ARB2A: variants seen among roughly 807,000 people sequenced by gnomAD.
ARB2A encodes ARB2 cotranscriptional regulator A, also known as cotranscriptional regulator ARB2A.
At chr5:93,657,389 T>C in the ARB2A span, among the ~76,000 whole-genome samples, 1 of 152,300 alleles carries the variant, frequency 6.6e-6, no homozygotes, top group East Asian at 1.9e-4. Context: ...AGACCTATCA[T>C]ATTTGATCTT....
the ARB2A span, among the ~76,000 whole-genome samples, chr5:93,776,945 T>C: frequency 1.3e-5 from 2 of 152,142 alleles, no homozygotes; most frequent in African/African-American, 4.8e-5. Context: ...TAAATATTAA[T>C]GTGAATATTC....
chr5:93,962,383 T>C, the ARB2A span, among the ~76,000 whole-genome samples: 1 of 152,196 alleles, frequency 6.6e-6, no homozygotes, highest in African/African-American at 2.4e-5. Context: ...TAATTGAGAA[T>C]ACTTTATGCC....
chr5:93,670,524 A>C, the ARB2A span, among the ~76,000 whole-genome samples: 1 of 152,228 alleles, frequency 6.6e-6, no homozygotes, highest in Non-Finnish European at 1.5e-5. Context: ...AAATATATTC[A>C]GCATAACTCA....
chr5:93,761,098 G>C, the ARB2A span, among the ~76,000 whole-genome samples: 6 of 152,096 alleles, frequency 3.9e-5, no homozygotes, highest in Non-Finnish European at 8.8e-5. Context: ...GGCCAAATAG[G>C]AACAGCTCCA....
chr5:94,040,644 A>C, the ARB2A span, among the ~76,000 whole-genome samples: 1 of 151,946 alleles, frequency 6.6e-6, no homozygotes, highest in Non-Finnish European at 1.5e-5. Context: ...AGAATGTGTC[A>C]CTGCAATGGG....
chr5:93,654,232 G>T, the ARB2A span, among the ~76,000 whole-genome samples: 3 of 152,144 alleles, frequency 2.0e-5, no homozygotes, highest in African/African-American at 7.2e-5. Flanking sequence ...GTGGCCACCA[G>T]AAAAGAGTTT....
At chr5:93,758,095 A>T in the ARB2A span, among the ~76,000 whole-genome samples, 2 of 152,304 alleles carry the variant, frequency 1.3e-5, no homozygotes, top group African/African-American at 4.8e-5. Flanking sequence ...AGAGGTAGCT[A>T]TTCTTACATG....
At chr5:94,011,936 CAAAAAAAAAA>C in the ARB2A span, among the ~76,000 whole-genome samples, 5 of 30,198 alleles carry the variant, frequency 1.7e-4, no homozygotes, top group Middle Eastern at 0.036. Context: ...AAAGGGTAGA[CAAAAAAAAAA>C]AAAAAAAAAA....
chr5:93,640,104 G>T, the ARB2A span, among the ~76,000 whole-genome samples: 21 of 145,070 alleles, frequency 1.4e-4, no homozygotes, highest in Admixed American at 1.1e-3. Flanking sequence ...GAAAAAAATT[G>T]AACAGAACCA....
At chr5:93,648,158 A>G in the ARB2A span, among the ~76,000 whole-genome samples, 2,162 of 151,770 alleles carry the variant, frequency 0.014, 57 homozygotes, top group African/African-American at 0.049. Context: ...AAAAAAAAAA[A>G]AAAAGATTTA....
chr5:93,878,464 T>A, the ARB2A span, among the ~76,000 whole-genome samples: 1 of 151,864 alleles, frequency 6.6e-6, no homozygotes, highest in Non-Finnish European at 1.5e-5. Flanking sequence ...CAGGCTTTAT[T>A]AGTTGCAATG....
the ARB2A span, among the ~76,000 whole-genome samples, chr5:93,935,187 G>A: frequency 6.6e-6 from 1 of 151,978 alleles, no homozygotes; most frequent in Non-Finnish European, 1.5e-5. Flanking sequence ...ACTACAAAAC[G>A]CAATCATGTA....
chr5:93,812,335 T>C, the ARB2A span, among the ~76,000 whole-genome samples: 4 of 152,212 alleles, frequency 2.6e-5, no homozygotes, highest in South Asian at 6.2e-4. Context: ...AATGGTAATA[T>C]ATAGGCCACT....
At chr5:93,846,958 G>A in the ARB2A span, among the ~76,000 whole-genome samples, 8 of 152,090 alleles carry the variant, frequency 5.3e-5, no homozygotes, top group African/African-American at 1.2e-4. Context: ...TTGTTTGATC[G>A]CATTTTACCC....
chr5:93,933,191 T>C, the ARB2A span, among the ~76,000 whole-genome samples: 1 of 152,296 alleles, frequency 6.6e-6, no homozygotes, highest in East Asian at 1.9e-4. Flanking sequence ...GGAACACTTT[T>C]AAACTGTTGG....
the ARB2A span, among the ~76,000 whole-genome samples, chr5:93,691,428 G>A: frequency 6.6e-6 from 1 of 151,806 alleles, no homozygotes; most frequent in African/African-American, 2.4e-5. Context: ...AAGGATATCA[G>A]GGATTGAACA....
At chr5:93,682,193 A>T in the ARB2A span, among the ~76,000 whole-genome samples, 1 of 151,842 alleles carries the variant, frequency 6.6e-6, no homozygotes, top group Non-Finnish European at 1.5e-5. Context: ...TTGGCAAAAC[A>T]TCAAAGTACT....
chr5:93,857,089 G>C, the ARB2A span, among the ~76,000 whole-genome samples: 1 of 152,192 alleles, frequency 6.6e-6, no homozygotes, highest in Admixed American at 6.5e-5. Context: ...GCTGGCTGCA[G>C]AACAGCGGAT....
At chr5:93,706,421 T>C in the ARB2A span, among the ~76,000 whole-genome samples, 12 of 152,200 alleles carry the variant, frequency 7.9e-5, no homozygotes, top group Admixed American at 3.9e-4. Context: ...GATTGCTTTA[T>C]GGGTCTAAAG....
Sources: allele counts gnomAD v4.1 joint callset (sites outside exome capture counted in the v4.1 genomes callset), GRCh38; gene constraint gnomAD v4.1.1; transcripts MANE v1.5; gene names NCBI Gene and HGNC (gene_info 2026-07-23, HGNC 2026-07-21).